CFDP1: variants seen among roughly 807,000 people sequenced by gnomAD.
CFDP1 encodes the protein heterochromatin-stabilizing protein CFDP1.
In CFDP1, 31 loss-of-function variants were observed where a neutral mutation model predicts 40.1. The ratio of observed to expected loss-of-function variants is 0.77; its 90% CI spans 0.58 to 1.04. The LOEUF is 1.04. Ranked by LOEUF, CFDP1 falls within the 50% of genes least tolerant of loss-of-function variation. CFDP1 has a pLI of 0.00. For synonymous variants in CFDP1, 167 were observed against 120.0 expected, an observed-to-expected ratio of 1.39 and a Z score of -2.56; for missense variants, 423 against 343.4, an observed-to-expected ratio of 1.23 and a Z score of -1.83.
intron 5 of CFDP1, among the ~76,000 whole-genome samples, chr16:75,376,172 T>C (rs563309923): frequency 6.6e-5 from 10 of 152,254 alleles, no homozygotes; most frequent in African/African-American, 2.2e-4. Flanking sequence ...GATTATGCCA[T>C]TGCATTCCAG....
chr16:75,326,433 T>C (rs545401334), intron 5 of CFDP1, among the ~76,000 whole-genome samples: 1 of 152,308 alleles, frequency 6.6e-6, no homozygotes, highest in African/African-American at 2.4e-5. Context: ...AAAGAATTAA[T>C]TTAGGTGTAC....
chr16:75,414,793 A>C, intron 1 of CFDP1, 98 bp from the exon 2 acceptor site: 1 of 797,484 alleles, frequency 1.3e-6, no homozygotes, highest in Non-Finnish European at 2.0e-6. Flanking sequence ...AGACATTTTC[A>C]TTAAGAAAAA....
chr16:75,355,229 G>T (rs996386294), intron 5 of CFDP1, among the ~76,000 whole-genome samples: 6 of 152,148 alleles, frequency 3.9e-5, no homozygotes, highest in African/African-American at 1.4e-4. Context: ...CTGAAGGCTG[G>T]GGTAATTGTG....
At chr16:75,321,858 T>C (rs6564249) in intron 5 of CFDP1, 128,253 of 152,272 alleles carry the variant, frequency 0.84, 54,168 homozygotes, top group Middle Eastern at 0.91. Flanking sequence ...AAGTCTTGCT[T>C]TGTCGCCCAG....
intron 6 of CFDP1, among the ~76,000 whole-genome samples, chr16:75,294,564 A>G (rs958066718): frequency 5.3e-5 from 8 of 152,240 alleles, no homozygotes; most frequent in African/African-American, 1.7e-4. Flanking sequence ...ATGACCTCAC[A>G]GGACTGCAGT....
chr16:75,326,407 C>T (rs961128457), intron 5 of CFDP1, among the ~76,000 whole-genome samples: 1 of 152,196 alleles, frequency 6.6e-6, no homozygotes, highest in Non-Finnish European at 1.5e-5. Context: ...AACAACTCCT[C>T]GTCAGAATCT....
chr16:75,371,101 A>G (rs1181838760), intron 5 of CFDP1, among the ~76,000 whole-genome samples: 1 of 152,198 alleles, frequency 6.6e-6, no homozygotes, highest in Non-Finnish European at 1.5e-5. Context: ...AGTGTTCCGC[A>G]GGGTTTCTTA....
At chr16:75,350,688 T>C (rs887209736) in intron 5 of CFDP1, among the ~76,000 whole-genome samples, 4 of 152,050 alleles carry the variant, frequency 2.6e-5, no homozygotes, top group African/African-American at 9.7e-5. Context: ...GCAACCCAAA[T>C]GTTATCAAAG....
At chr16:75,362,835 C>T (rs1324140647) in intron 5 of CFDP1, 1 of 152,188 alleles carries the variant, frequency 6.6e-6, no homozygotes, top group African/African-American at 2.4e-5. Flanking sequence ...AATGATATTA[C>T]ATGGAACCAG....
chr16:75,363,866 C>A (rs989798910), intron 5 of CFDP1, among the ~76,000 whole-genome samples: 1 of 151,582 alleles, frequency 6.6e-6, no homozygotes, highest in Non-Finnish European at 1.5e-5. Context: ...AAGTACTGAA[C>A]TGAGACAAGC....
intron 6 of CFDP1, among the ~76,000 whole-genome samples, chr16:75,296,568 T>A (rs2078183915): frequency 6.6e-6 from 1 of 152,134 alleles, no homozygotes; most frequent in South Asian, 2.1e-4. Context: ...GACACTTAAA[T>A]GAGGATGCTA....
chr16:75,432,056 C>T (rs147629410), intron 1 of CFDP1, among the ~76,000 whole-genome samples: 173 of 151,362 alleles, frequency 1.1e-3, no homozygotes, highest in African/African-American at 3.8e-3. Context: ...GGACTACAGG[C>T]GCGTGCCACC....
At chr16:75,316,924 T>C (rs953885457) in intron 5 of CFDP1, among the ~76,000 whole-genome samples, 7 of 152,060 alleles carry the variant, frequency 4.6e-5, no homozygotes, top group African/African-American at 1.7e-4. Context: ...GAGGTTGTGG[T>C]GAGGCGAGAT....
chr16:75,297,017 G>A (rs1288073219), intron 6 of CFDP1, among the ~76,000 whole-genome samples: 1 of 152,054 alleles, frequency 6.6e-6, no homozygotes, highest in African/African-American at 2.4e-5. Context: ...TTCCTTCTCT[G>A]TAAAACAGAA....
At chr16:75,339,242 G>GCTCACT (rs1377224653) in intron 5 of CFDP1, among the ~76,000 whole-genome samples, 2 of 151,968 alleles carry the variant, frequency 1.3e-5, no homozygotes, top group Non-Finnish European at 2.9e-5. Flanking sequence ...CATTCGTCCT[G>GCTCACT]CTCACTTTCT....
At chr16:75,397,728 C>T (rs1029681946) in intron 4 of CFDP1, among the ~76,000 whole-genome samples, 1 of 151,862 alleles carries the variant, frequency 6.6e-6, no homozygotes, top group Non-Finnish European at 1.5e-5. Context: ...ACCTCATGAA[C>T]CCAGAAGGTG....
At chr16:75,325,826 G>C (rs1327767332) in intron 5 of CFDP1, among the ~76,000 whole-genome samples, 1 of 152,180 alleles carries the variant, frequency 6.6e-6, no homozygotes, top group Non-Finnish European at 1.5e-5. Flanking sequence ...AAGCTAGCTA[G>C]GTTTTCTACA....
intron 5 of CFDP1, among the ~76,000 whole-genome samples, chr16:75,322,950 G>A (rs1054251266): frequency 1.3e-5 from 2 of 152,036 alleles, no homozygotes. Flanking sequence ...TGAATGTGAC[G>A]GCCAAGGACA....
chr16:75,294,370 T>C (rs1461461111), intron 6 of CFDP1, among the ~76,000 whole-genome samples: 1 of 152,222 alleles, frequency 6.6e-6, no homozygotes, highest in Non-Finnish European at 1.5e-5. Context: ...AGCTCACTGA[T>C]TAGCTGGGCA....
Sources: allele counts gnomAD v4.1 joint callset (sites outside exome capture counted in the v4.1 genomes callset), GRCh38; gene constraint gnomAD v4.1.1; transcripts MANE v1.5; gene names NCBI Gene and HGNC (gene_info 2026-07-23, HGNC 2026-07-21).